The following KLHL1 variants were observed in gnomAD, a reference collection of about 807,000 sequenced individuals.
KLHL1 encodes kelch-like protein 1.
A neutral mutation model predicts 77.7 loss-of-function variants in KLHL1; 47 were observed. That is an observed-to-expected ratio of 0.60 (90% CI 0.48 to 0.77). KLHL1 has a LOEUF of 0.77. Among genes scored for constraint, KLHL1 ranks in the 30% least tolerant of loss-of-function variants. The pLI is 0.00. For missense variants in KLHL1, 925 were observed against 910.8 expected (o/e 1.02, Z -0.20); for synonymous variants, 360 against 325.2 (o/e 1.11, Z -1.15).
At chr13:69,794,354 G>C (rs945160236) in intron 7 of KLHL1, among the ~76,000 whole-genome samples, 1 of 152,084 alleles carries the variant, frequency 6.6e-6, no homozygotes, top group Non-Finnish European at 1.5e-5. Context: ...ATTACCCAAA[G>C]TATCTGATAC....
chr13:69,863,708 G>A (rs1880261714), intron 5 of KLHL1, among the ~76,000 whole-genome samples: 1 of 151,922 alleles, frequency 6.6e-6, no homozygotes, highest in Non-Finnish European at 1.5e-5. Flanking sequence ...CATGTTCAGT[G>A]TCTATTGGAT....
At chr13:69,742,447 A>G (rs966115121) in intron 7 of KLHL1, among the ~76,000 whole-genome samples, 2 of 152,200 alleles carry the variant, frequency 1.3e-5, no homozygotes, top group Non-Finnish European at 2.9e-5. Flanking sequence ...TGAAAATAAA[A>G]TGACAACTCA....
intron 1 of KLHL1, among the ~76,000 whole-genome samples, chr13:70,040,081 C>T (rs571595510): frequency 6.6e-6 from 1 of 152,218 alleles, no homozygotes; most frequent in African/African-American, 2.4e-5. Context: ...TCATACCTCC[C>T]TTATGTCTCT....
chr13:69,982,115 T>C (rs1385330715), intron 1 of KLHL1, among the ~76,000 whole-genome samples: 3 of 152,048 alleles, frequency 2.0e-5, no homozygotes, highest in Non-Finnish European at 4.4e-5. Flanking sequence ...GTAACCCTTA[T>C]AGTAACTAAA....
intron 2 of KLHL1, among the ~76,000 whole-genome samples, chr13:69,968,727 T>C (rs2137281227): frequency 6.6e-6 from 1 of 152,262 alleles, no homozygotes; most frequent in Non-Finnish European, 1.5e-5. Flanking sequence ...ATACCTTTTG[T>C]TGCAGAGAGT....
chr13:69,703,139 T>C (rs536510530), intron 10 of KLHL1, among the ~76,000 whole-genome samples: 1 of 151,788 alleles, frequency 6.6e-6, no homozygotes, highest in South Asian at 2.1e-4. Context: ...ATTTTCATCC[T>C]TGAGGTTCAG....
At chr13:69,846,111 C>T (rs1879448160) in intron 5 of KLHL1, among the ~76,000 whole-genome samples, 1 of 151,408 alleles carries the variant, frequency 6.6e-6, no homozygotes, top group African/African-American at 2.4e-5. Context: ...TTTTAAAATC[C>T]TGTTCTATGC....
intron 9 of KLHL1, among the ~76,000 whole-genome samples, chr13:69,712,152 CCAA>C (rs762528813): frequency 6.6e-6 from 1 of 152,064 alleles, no homozygotes; most frequent in African/African-American, 2.4e-5. Context: ...TCCCCACTCT[CCAA>C]CAACTTTTTA....
At chr13:69,843,493 C>G (rs1879343848) in intron 5 of KLHL1, among the ~76,000 whole-genome samples, 1 of 151,536 alleles carries the variant, frequency 6.6e-6, no homozygotes, top group African/African-American at 2.4e-5. Context: ...ATTTTGATGG[C>G]TCCTTTAACT....
intron 4 of KLHL1, among the ~76,000 whole-genome samples, chr13:69,900,262 A>C (rs1881808256): frequency 6.6e-6 from 1 of 152,188 alleles, no homozygotes; most frequent in Non-Finnish European, 1.5e-5. Flanking sequence ...ATACAGTACA[A>C]CAATGGGCTC....
At chr13:69,969,889 ATC>A (rs1884327632) in intron 2 of KLHL1, among the ~76,000 whole-genome samples, 1 of 152,096 alleles carries the variant, frequency 6.6e-6, no homozygotes, top group African/African-American at 2.4e-5. Flanking sequence ...ACACTAGAAA[ATC>A]TCTTATTGAG....
chr13:69,853,584 T>C (rs1317498811), intron 5 of KLHL1, among the ~76,000 whole-genome samples: 1 of 152,010 alleles, frequency 6.6e-6, no homozygotes, highest in Non-Finnish European at 1.5e-5. Flanking sequence ...TAGAAAGTCA[T>C]TGCAAGCAGC....
chr13:69,816,112 A>G (rs1399368521), intron 6 of KLHL1, among the ~76,000 whole-genome samples: 1 of 151,956 alleles, frequency 6.6e-6, no homozygotes, highest in African/African-American at 2.4e-5. Flanking sequence ...TAATTAAATA[A>G]TTTTATATAT....
At chr13:69,871,874 T>G (rs2138176671) in intron 5 of KLHL1, among the ~76,000 whole-genome samples, 1 of 152,198 alleles carries the variant, frequency 6.6e-6, no homozygotes, top group East Asian at 1.9e-4. Context: ...TTGAGCAATC[T>G]CTAAGAAGTT....
At chr13:69,915,724 A>G (rs1593945651) in intron 4 of KLHL1, among the ~76,000 whole-genome samples, 1 of 152,146 alleles carries the variant, frequency 6.6e-6, no homozygotes, top group African/African-American at 2.4e-5. Context: ...AATGGCAACA[A>G]AAGCCAAAAT....
At chr13:69,708,364 A>C (rs2137875178) in intron 9 of KLHL1, among the ~76,000 whole-genome samples, 1 of 152,168 alleles carries the variant, frequency 6.6e-6, no homozygotes, top group East Asian at 1.9e-4. Flanking sequence ...AGTGTGACTA[A>C]GTTCAAGAAA....
At chr13:70,071,981 T>G (rs1220227038) in intron 1 of KLHL1, among the ~76,000 whole-genome samples, 1 of 151,878 alleles carries the variant, frequency 6.6e-6, no homozygotes, top group Non-Finnish European at 1.5e-5. Flanking sequence ...ATCAATTTAA[T>G]TGAAACCAGG....
chr13:69,909,140 C>A (rs1042388095), intron 4 of KLHL1, among the ~76,000 whole-genome samples: 4 of 150,144 alleles, frequency 2.7e-5, no homozygotes, highest in African/African-American at 9.8e-5. Flanking sequence ...AAAAGGAGAA[C>A]AAATAAGTGG....
At chr13:69,913,110 C>A (rs1882294102) in intron 4 of KLHL1, among the ~76,000 whole-genome samples, 1 of 152,164 alleles carries the variant, frequency 6.6e-6, no homozygotes, top group Non-Finnish European at 1.5e-5. Context: ...TGCCTTTCTC[C>A]CTCACAGTGC....
Sources: allele counts gnomAD v4.1 joint callset (sites outside exome capture counted in the v4.1 genomes callset), GRCh38; gene constraint gnomAD v4.1.1; transcripts MANE v1.5; gene names NCBI Gene and HGNC (gene_info 2026-07-23, HGNC 2026-07-21).